CDK17: variants seen among roughly 807,000 people sequenced by gnomAD.
CDK17 encodes cyclin dependent kinase 17, also known as cyclin-dependent kinase 17.
In CDK17, 24 loss-of-function variants were observed where a neutral mutation model predicts 77.6. That is an observed-to-expected ratio of 0.31 (90% confidence interval 0.22 to 0.44). The LOEUF (loss-of-function observed/expected upper bound fraction) is 0.44. Among genes scored for constraint, CDK17 ranks in the 20% least tolerant of loss-of-function variants. The pLI is 1.00. For synonymous variants in CDK17, 203 were observed against 210.4 expected (o/e 0.96, Z 0.30); for missense variants, 429 against 622.5 (o/e 0.69, Z 3.31).
At position 96,278,634 on chromosome 12, in the gene CDK17, C is replaced by T. The variant is rs1161682957; in HGVS notation, c.*1608G>A. 2 of 152,440 alleles carry T rather than the reference C, an allele frequency of 1.3e-5. No individual in the cohort carries two copies. The highest frequency in any genetic ancestry group is 1.9e-4 in the East Asian group (1 of 5,200). The allele number at this position is 152,440 out of a possible 1,614,324, so 9.4% of individuals were successfully genotyped here. A position where few individuals can be genotyped will look rare whatever the true frequency, so the allele number is the denominator to read the frequency against. On this transcript the variant is annotated 3_prime_UTR_variant, in exon 17 of 17. Transcript: ENST00000261211. ...CCACATATTTATAACCTTCAAAGTA[C>T]AATATTAATACATGTCTGTCAGTTA...
At chr12:96,283,394 T>C (rs953542241) in intron 14 of CDK17, among the ~76,000 whole-genome samples, 1 of 151,270 alleles carries the variant, frequency 6.6e-6, no homozygotes, top group South Asian at 2.1e-4. Flanking sequence ...AGTAACCAAC[T>C]ACCTCAGACT....
chr12:96,289,441 G>C (rs569552853), intron 10 of CDK17, among the ~76,000 whole-genome samples, 154 bp from the exon 11 acceptor site: 1 of 152,348 alleles, frequency 6.6e-6, no homozygotes, highest in South Asian at 2.1e-4. Context: ...AATTCGTTGA[G>C]TGCATGTGGC....
In CDK17 at chr12:96,282,567, C is replaced by T. The variant is rs1592702070; in HGVS notation, c.1398G>A (p.Glu466=). 1 of 1,612,756 alleles carries T rather than the reference C, an allele frequency of 6.2e-7. No homozygotes were observed. The highest frequency in any genetic ancestry group is 8.5e-7 in the Non-Finnish European group (1 of 1,178,770). The change falls in exon 15 of 17, where the codon GAG becomes GAA. Residue 466 remains glutamate (E), a synonymous_variant. Transcript: ENST00000261211. ...YESKKRVSAE[E]AMKHVYFRSL... ...TTCGAAAGTACACATGTTTCATGGCCTCTTCAGCTGAAACCCTTTTCTTAG... is the reference window on the plus strand; with the variant it reads ...TTCGAAAGTACACATGTTTCATGGCTTCTTCAGCTGAAACCCTTTTCTTAG...
Position 96,302,205 on chromosome 12 carries a change from T to C in CDK17, c.544-1845A>G, listed in dbSNP as rs139160101. Among the ~76,000 whole-genome samples the C allele has an allele frequency of 9.7e-3, 1,479 of 152,198 alleles. 46 individuals are homozygous for C. The highest frequency in any genetic ancestry group is 0.061 in the Admixed American group (937 of 15,286). On this transcript the variant is annotated intron_variant, in intron 5 of 16. Coordinates refer to ENST00000261211, the MANE Select transcript of CDK17 (RefSeq NM_002595.5). ...GCAAAATAAAGAAGTAAAACTACAA[T>C]AGATAACATTTTTAAAATACAAGTG...
chr12:96,326,973 T>G (rs111604996), intron 2 of CDK17, among the ~76,000 whole-genome samples: 1 of 152,170 alleles, frequency 6.6e-6, no homozygotes, highest in African/African-American at 2.4e-5. Flanking sequence ...TTCAAAAATA[T>G]CACTGTGAAG....
intron 1 of CDK17, among the ~76,000 whole-genome samples, chr12:96,384,762 A>G (rs1183212042): frequency 2.6e-5 from 4 of 152,164 alleles, no homozygotes; most frequent in African/African-American, 7.2e-5. Context: ...AATGCCTGTA[A>G]TGCCAGCACT....
chr12:96,363,221 C>A (rs1171661134), intron 1 of CDK17, among the ~76,000 whole-genome samples: 1 of 151,856 alleles, frequency 6.6e-6, no homozygotes, highest in African/African-American at 2.4e-5. Flanking sequence ...GAGGCCGAGA[C>A]GGGAGGGTCA....
intron 10 of CDK17, among the ~76,000 whole-genome samples, chr12:96,290,927 T>C (rs1267204375): frequency 6.6e-6 from 1 of 152,148 alleles, no homozygotes; most frequent in Non-Finnish European, 1.5e-5. Context: ...TAATTAAATG[T>C]GATATGGTAT....
At chr12:96,328,926 T>G (rs575938097) in intron 2 of CDK17, among the ~76,000 whole-genome samples, 1 of 152,296 alleles carries the variant, frequency 6.6e-6, no homozygotes, top group South Asian at 2.1e-4. Flanking sequence ...TAAAATATTC[T>G]AACACTTCCA....
chr12:96,287,494 G>C (rs1399602160), intron 11 of CDK17, among the ~76,000 whole-genome samples: 1 of 152,108 alleles, frequency 6.6e-6, no homozygotes, highest in African/African-American at 2.4e-5. Context: ...AAATAGTATG[G>C]TGGTTCCTCA....
chr12:96,323,468 AT>A (rs1952851879), intron 3 of CDK17, among the ~76,000 whole-genome samples: 1 of 152,116 alleles, frequency 6.6e-6, no homozygotes. Flanking sequence ...CTCAAAAAAA[AT>A]AAAAATAAAA....
rs567718379 is a variant in CDK17 at position 96,295,140 on chromosome 12, T to A, written c.874-18A>T. 6.3e-6 allele frequency: 10 copies of A among 1,579,522 alleles called. No homozygotes were observed. In the Admixed American group the frequency reaches 7.6e-5, roughly 12 times the overall value. On this transcript the variant is annotated intron_variant, in intron 9 of 16. Transcript: ENST00000261211. Reference sequence around the variant, plus strand: ...AGAAACAGCTACAGAAACAAATAAATAAAAATTAGTCTTAAAGATGAGACA... The same window carrying A: ...AGAAACAGCTACAGAAACAAATAAAAAAAAATTAGTCTTAAAGATGAGACA...
chr12:96,298,821 A>G (rs1952453104), intron 7 of CDK17, 48 bp downstream of exon 7: 1 of 983,158 alleles, frequency 1.0e-6, no homozygotes, highest in Admixed American at 2.2e-5. Flanking sequence ...AAAAATAGAC[A>G]CTTATTCCAC....
At chr12:96,294,107 T>C (rs1464955207) in intron 10 of CDK17, among the ~76,000 whole-genome samples, 2 of 152,180 alleles carry the variant, frequency 1.3e-5, no homozygotes, top group African/African-American at 4.8e-5. Context: ...CATGAGCACT[T>C]TTCCCTGAGA....
chr12:96,380,195 AC>A (rs1953856201), intron 1 of CDK17, among the ~76,000 whole-genome samples: 2 of 148,140 alleles, frequency 1.4e-5, no homozygotes, highest in African/African-American at 2.5e-5. Context: ...CAAAAAAAAA[AC>A]CCAAAAAAGA....
intron 1 of CDK17, among the ~76,000 whole-genome samples, chr12:96,393,039 A>G (rs1032017277): frequency 6.6e-6 from 1 of 152,180 alleles, no homozygotes. Context: ...AAATTTATTA[A>G]CTCAAATTGA....
chr12:96,311,314 T>G, intron 4 of CDK17, 137 bp from the exon 5 acceptor site: 4 of 617,700 alleles, frequency 6.5e-6, no homozygotes, highest in Non-Finnish European at 1.0e-5. Flanking sequence ...CCTACATTGA[T>G]TATATGTAAT....
chr12:96,323,450 G>C (rs140952362), intron 3 of CDK17, among the ~76,000 whole-genome samples: 1,586 of 151,876 alleles, frequency 0.01, 47 homozygotes, highest in Admixed American at 0.064. Context: ...GACAGAGTGA[G>C]ACACTGTCTC....
At chr12:96,370,489 G>C (rs1953673182) in intron 1 of CDK17, among the ~76,000 whole-genome samples, 1 of 152,188 alleles carries the variant, frequency 6.6e-6, no homozygotes, top group South Asian at 2.1e-4. Flanking sequence ...GCAATTCAGA[G>C]CAAGATCAAA....
Sources: allele counts gnomAD v4.1 joint callset (sites outside exome capture counted in the v4.1 genomes callset), GRCh38; gene constraint gnomAD v4.1.1; transcripts MANE v1.5; gene names NCBI Gene and HGNC (gene_info 2026-07-23, HGNC 2026-07-21).